The following PIBF1 variants were observed in gnomAD, a reference collection of about 807,000 sequenced individuals.
PIBF1 encodes the protein progesterone immunomodulatory binding factor 1.
In PIBF1, 90 loss-of-function variants were observed where a neutral mutation model predicts 112.5. That is an observed-to-expected ratio of 0.80 (90% confidence interval 0.67 to 0.95). PIBF1 has a LOEUF of 0.95. Among genes scored for constraint, PIBF1 ranks in the 40% least tolerant of loss-of-function variants. The probability of loss-of-function intolerance (pLI) is 0.00; values close to 1 mark genes in which losing one functional copy is unlikely to be tolerated. For synonymous variants in PIBF1, 301 were observed against 288.6 expected (o/e 1.04, Z -0.44); for missense variants, 915 against 852.3 (o/e 1.07, Z -0.92).
At chr13:72,877,757 T>TC (rs1355988331) in intron 10 of PIBF1, among the ~76,000 whole-genome samples, 1 of 151,608 alleles carries the variant, frequency 6.6e-6, no homozygotes, top group African/African-American at 2.4e-5. Context: ...TCTTTTCTTT[T>TC]TTTTTTTTTG....
At chr13:72,862,922 A>C (rs1051557241) in intron 10 of PIBF1, among the ~76,000 whole-genome samples, 1 of 152,234 alleles carries the variant, frequency 6.6e-6, no homozygotes, top group East Asian at 1.9e-4. Flanking sequence ...GATTGTAATC[A>C]TAATTGTTAA....
chr13:72,901,935 A>G (rs527403969), intron 11 of PIBF1, among the ~76,000 whole-genome samples: 1 of 151,814 alleles, frequency 6.6e-6, no homozygotes, highest in Non-Finnish European at 1.5e-5. Context: ...ACAATTCACA[A>G]TTGCAAAATC....
chr13:72,825,751 A>G (rs913369974), intron 6 of PIBF1, among the ~76,000 whole-genome samples: 1 of 152,206 alleles, frequency 6.6e-6, no homozygotes, highest in African/African-American at 2.4e-5. Flanking sequence ...AACAGTGTTA[A>G]TGATTGGTAA....
chr13:72,969,987 T>C (rs1397118635), intron 15 of PIBF1, among the ~76,000 whole-genome samples: 5 of 152,202 alleles, frequency 3.3e-5, no homozygotes, highest in Admixed American at 6.5e-5. Context: ...TCCTCATTGC[T>C]AGGTGTTGAT....
chr13:72,847,030 T>A (rs1194937083), intron 9 of PIBF1, among the ~76,000 whole-genome samples: 1 of 152,198 alleles, frequency 6.6e-6, no homozygotes, highest in East Asian at 1.9e-4. Flanking sequence ...TGAGTGTCGT[T>A]TGAAGATATA....
intron 11 of PIBF1, among the ~76,000 whole-genome samples, chr13:72,908,226 AT>A (rs2040767140): frequency 6.6e-6 from 1 of 152,156 alleles, no homozygotes; most frequent in African/African-American, 2.4e-5. Flanking sequence ...ATGACATTGT[AT>A]TTTTTTAAAT....
At chr13:72,905,354 C>T (rs2040667294) in intron 11 of PIBF1, among the ~76,000 whole-genome samples, 1 of 152,138 alleles carries the variant, frequency 6.6e-6, no homozygotes, top group Non-Finnish European at 1.5e-5. Context: ...GCGTGAGCCA[C>T]CACACCCAGC....
chr13:72,788,840 A>AGAAAATATTT (rs1289959159), intron 2 of PIBF1, among the ~76,000 whole-genome samples: 1 of 152,230 alleles, frequency 6.6e-6, no homozygotes, highest in Non-Finnish European at 1.5e-5. Context: ...TTTTTTAGTT[A>AGAAAATATTT]GAAAATATTT....
chr13:72,869,166 C>T (rs996461560), intron 10 of PIBF1, among the ~76,000 whole-genome samples: 62 of 152,190 alleles, frequency 4.1e-4, no homozygotes, highest in African/African-American at 1.3e-3. Flanking sequence ...CACATGCACA[C>T]GTATGTTTAT....
At chr13:72,955,562 T>C (rs2042422797) in intron 14 of PIBF1, among the ~76,000 whole-genome samples, 1 of 152,112 alleles carries the variant, frequency 6.6e-6, no homozygotes, top group South Asian at 2.1e-4. Flanking sequence ...ATTTTTTTCG[T>C]TTCAGAGCTA....
intron 13 of PIBF1, among the ~76,000 whole-genome samples, chr13:72,922,297 T>C (rs962885584): frequency 3.3e-5 from 5 of 152,090 alleles, no homozygotes; most frequent in Non-Finnish European, 7.4e-5. Flanking sequence ...AAACTCTTTC[T>C]GGGACACAAT....
intron 10 of PIBF1, among the ~76,000 whole-genome samples, chr13:72,887,920 A>G (rs2039919205): frequency 6.6e-6 from 1 of 152,168 alleles, no homozygotes; most frequent in Non-Finnish European, 1.5e-5. Context: ...ATGGACACAA[A>G]TAAGAATACC....
intron 16 of PIBF1, among the ~76,000 whole-genome samples, chr13:72,977,282 G>A (rs556311888): frequency 1.3e-5 from 2 of 152,210 alleles, no homozygotes; most frequent in South Asian, 4.1e-4. Context: ...TCGGCTCAGC[G>A]CAACCTCCAC....
chr13:73,000,533 A>AT (rs2043826100), intron 17 of PIBF1, among the ~76,000 whole-genome samples: 1 of 152,144 alleles, frequency 6.6e-6, no homozygotes, highest in Non-Finnish European at 1.5e-5. Context: ...TTGCTCAGAG[A>AT]GTGGGCAGAG....
chr13:72,902,899 A>AT (rs2040550398), intron 11 of PIBF1, among the ~76,000 whole-genome samples: 1 of 149,376 alleles, frequency 6.7e-6, no homozygotes, highest in Non-Finnish European at 1.5e-5. Flanking sequence ...AAGGAAATAA[A>AT]TCTTTTTTTT....
At chr13:72,969,225 A>G (rs1475230950) in intron 15 of PIBF1, among the ~76,000 whole-genome samples, 1 of 152,164 alleles carries the variant, frequency 6.6e-6, no homozygotes, top group Non-Finnish European at 1.5e-5. Flanking sequence ...TTTGGTTGAA[A>G]ATTATATTAA....
At chr13:72,928,450 T>C (rs1450574234) in intron 13 of PIBF1, among the ~76,000 whole-genome samples, 1 of 152,122 alleles carries the variant, frequency 6.6e-6, no homozygotes, top group Non-Finnish European at 1.5e-5. Context: ...AAGAATTTCT[T>C]TTTTTTGAGA....
chr13:72,863,646 A>T (rs186335331), intron 10 of PIBF1, among the ~76,000 whole-genome samples: 4 of 148,016 alleles, frequency 2.7e-5, no homozygotes. Flanking sequence ...CGACAGAGTG[A>T]GACTCCGTCT....
Position 72,976,511 on chromosome 13 carries a change from A to G in PIBF1, c.2049+2836A>G, listed in dbSNP as rs117306936. Reference sequence around the variant, plus strand: ...ACAGTATATCTTTATTTTGGCAAGTATGTTTTAATAATTTAACATTGTATA... The same window carrying G: ...ACAGTATATCTTTATTTTGGCAAGTGTGTTTTAATAATTTAACATTGTATA... On this transcript the variant is annotated intron_variant, in intron 16 of 17. Coordinates refer to ENST00000326291, the MANE Select transcript of PIBF1 (RefSeq NM_006346.4). 9.3e-3 allele frequency among the ~76,000 whole-genome samples: 1,417 copies of G among 152,342 alleles called. 69 individuals carry two copies. Among genetic ancestry groups the G allele is most frequent in the East Asian group, 9.8e-3 (51 of 5,188 alleles).
Sources: gnomAD v4.1 joint callset for allele counts (sites outside exome capture counted in the v4.1 genomes callset) on GRCh38, gnomAD v4.1.1 for gene constraint, MANE v1.5 for transcripts, NCBI Gene and HGNC (gene_info 2026-07-23, HGNC 2026-07-21) for gene names.